Variants in FNTB observed in about 807,000 individuals in gnomAD.
The protein encoded by FNTB is protein farnesyltransferase subunit beta.
Under a neutral mutation model 59.4 loss-of-function variants are expected in FNTB, and 27 were observed. The ratio of observed to expected loss-of-function variants is 0.45; its 90% CI spans 0.34 to 0.63. The LOEUF is 0.63. FNTB is among the 20% of genes least tolerant of loss of function. The pLI is 0.02. For missense variants in FNTB, 449 were observed against 559.6 expected (o/e 0.80, Z 1.99); for synonymous variants, 230 against 220.7 (o/e 1.04, Z -0.37).
chr14:65,027,921 C>T lies in FNTB; in HGVS notation c.605+140C>T, dbSNP rs759569768. On this transcript the variant is annotated intron_variant, in intron 6 of 11. Coordinates refer to ENST00000246166, the MANE Select transcript of FNTB (RefSeq NM_002028.4). This position sits in a 1 kb window ranked among gnomAD's most constrained non-coding sequence, Gnocchi z 5.7. ...CACATGGGATGACATGTCAGTGACA[C>T]GTCAGAATCATTCAGATGTGATGCA... 1.1e-4 allele frequency: 112 copies of T among 1,061,472 alleles called. No homozygotes were observed. The highest frequency in any genetic ancestry group is 1.4e-4 in the Non-Finnish European group (105 of 725,694). 65.8% of individuals were successfully genotyped at this position (1,061,472 alleles called of 1,614,324 possible).
intron 2 of FNTB, among the ~76,000 whole-genome samples, chr14:65,010,203 TC>T (rs1287243097): frequency 6.6e-6 from 1 of 152,194 alleles, no homozygotes; most frequent in East Asian, 1.9e-4. Flanking sequence ...CCTTTGCTCT[TC>T]CCTAGCATAT....
At chr14:65,042,487 C>A (rs902011622) in intron 8 of FNTB, among the ~76,000 whole-genome samples, 2 of 152,176 alleles carry the variant, frequency 1.3e-5, no homozygotes, top group Admixed American at 1.3e-4. Flanking sequence ...AATGCTGCTG[C>A]TGATCTGTCA....
rs1183866852 is a variant in FNTB, at chr14:65,032,012, G to GTGTGTGTGTGTA, written c.606-591_606-590insGTGTATGTGTGT. On this transcript the variant is annotated intron_variant, in intron 6 of 11. Coordinates refer to ENST00000246166, the MANE Select transcript of FNTB (RefSeq NM_002028.4). This position sits in a 1 kb window ranked among gnomAD's most constrained non-coding sequence, Gnocchi z 5.0. ...TGTGTGTGTGTGTGTGTGTGTGTGT[G>GTGTGTGTGTGTA]TGTGTGTACTGGTGAGAGGTTTGAA... Among the ~76,000 whole-genome samples, 42 of 151,746 alleles carry GTGTGTGTGTGTA rather than the reference G, an allele frequency of 2.8e-4. No individual in the cohort carries two copies. Among genetic ancestry groups the GTGTGTGTGTGTA allele is most frequent in the Admixed American group, 2.2e-3 (33 of 15,234 alleles).
At position 65,044,216 on chromosome 14, in the gene FNTB, ACCCT is replaced by A. The variant is rs2062424811; in HGVS notation, c.823-92_823-89del. 1.9e-6 allele frequency: 3 copies of A among 1,586,036 alleles called. No individual in the cohort carries two copies. The highest frequency in any genetic ancestry group is 2.6e-6 in the Non-Finnish European group (3 of 1,169,226). On this transcript the variant is annotated intron_variant, in intron 8 of 11. Coordinates refer to ENST00000246166, the MANE Select transcript of FNTB (RefSeq NM_002028.4). This position sits in a 1 kb window ranked among gnomAD's most constrained non-coding sequence, Gnocchi z 5.5. ...GTGCCAAGAAGCCACAAGATGGGAA[ACCCT>A]CCATCCCACAGATTGACTCCTGGAG... is the stretch of plus-strand genomic sequence containing the variant.
intron 11 of FNTB, among the ~76,000 whole-genome samples, chr14:65,056,189 T>A (rs1168931416): frequency 6.6e-6 from 1 of 152,242 alleles, no homozygotes; most frequent in Non-Finnish European, 1.5e-5. Context: ...CATTGCTTTT[T>A]CCACTTGCCA....
At chr14:64,992,968 T>A (rs1888258268) in intron 1 of FNTB, among the ~76,000 whole-genome samples, 3 of 152,206 alleles carry the variant, frequency 2.0e-5, no homozygotes, top group Admixed American at 2.0e-4. Flanking sequence ...CTTGACTAGC[T>A]GGAACTACTG....
intron 11 of FNTB, among the ~76,000 whole-genome samples, chr14:65,059,586 G>GT (rs1267649956): frequency 6.6e-6 from 1 of 152,060 alleles, no homozygotes; most frequent in East Asian, 1.9e-4. Context: ...TCAGCATGAG[G>GT]TTGCTCCTAG....
At chr14:65,000,039 T>G (rs1022691748) in intron 1 of FNTB, among the ~76,000 whole-genome samples, 1 of 152,226 alleles carries the variant, frequency 6.6e-6, no homozygotes, top group East Asian at 1.9e-4. Context: ...AGATGGGACT[T>G]CTGATTAAGG....
rs79113821 is a variant in FNTB at position 64,987,617 on chromosome 14, C to G, written c.144+520C>G. The G allele has an allele frequency of 1.8e-3, 291 of 162,692 alleles. 7 individuals carry two copies. The East Asian group carries it at 0.044, about 24-fold the overall frequency. 10.1% of individuals were successfully genotyped at this position (162,692 alleles called of 1,614,324 possible). A position where few individuals can be genotyped will look rare whatever the true frequency, so the allele number is the denominator to read the frequency against. On this transcript the variant is annotated intron_variant, in intron 1 of 11. Coordinates refer to ENST00000246166, the MANE Select transcript of FNTB (RefSeq NM_002028.4). ...TTTGGTAGTCATTCAGCCATTTGAG[C>G]ACCAGCTACGTGTCGGACACAATAT...
At position 65,031,915 on chromosome 14, in the gene FNTB, T is replaced by G. The variant is rs957015096; in HGVS notation, c.606-695T>G. On this transcript the variant is annotated intron_variant, in intron 6 of 11. Transcript: ENST00000246166. This position sits in a 1 kb window ranked among gnomAD's most constrained non-coding sequence, Gnocchi z 4.6. ...TAGCCTGGGCGACAGAGTGAGACCCTGTCTCAATAAAAACCAAAACAAAAG... is the reference window on the plus strand; with the variant it reads ...TAGCCTGGGCGACAGAGTGAGACCCGGTCTCAATAAAAACCAAAACAAAAG... 5.9e-5 allele frequency among the ~76,000 whole-genome samples: 9 copies of G among 151,990 alleles called. No individual in the cohort carries two copies. Among genetic ancestry groups the G allele is most frequent in the African/African-American group, 2.2e-4 (9 of 41,376 alleles).
At chr14:65,033,007 C>G in intron 7 of FNTB, among the ~76,000 whole-genome samples, 1 of 152,118 alleles carries the variant, frequency 6.6e-6, no homozygotes, top group Non-Finnish European at 1.5e-5. Context: ...TTGCGTAGGA[C>G]CCAGTAATTC....
chr14:65,027,632 G>A lies in FNTB; in HGVS notation c.521+33G>A. 1 of 1,614,102 alleles carries A rather than the reference G, an allele frequency of 6.2e-7. No homozygotes were observed. The highest frequency in any genetic ancestry group is 8.5e-7 in the Non-Finnish European group (1 of 1,179,962). On this transcript the variant is annotated intron_variant, in intron 5 of 11. Transcript: ENST00000246166. This position sits in a 1 kb window ranked among gnomAD's most constrained non-coding sequence, Gnocchi z 5.7. ...GAAAGCCAGCAGTGACAGAAACCTA[G>A]AGGAGTTCCCCGCCTGCTGACACGC...
intron 11 of FNTB, among the ~76,000 whole-genome samples, chr14:65,057,889 C>CAAGAGAGAAAA (rs2062774356): frequency 6.6e-6 from 1 of 152,180 alleles, no homozygotes; most frequent in African/African-American, 2.4e-5. Context: ...TTTCTGGACT[C>CAAGAGAGAAAA]TCTTATTTTG....
At position 65,031,785 on chromosome 14, in the gene FNTB, G is replaced by A. The variant is rs918995343; in HGVS notation, c.606-825G>A. Among the ~76,000 whole-genome samples, 3 of 152,102 alleles carry A rather than the reference G, an allele frequency of 2.0e-5. No homozygotes were observed. Among genetic ancestry groups the A allele is most frequent in the Non-Finnish European group, 4.4e-5 (3 of 68,010 alleles). ...AAAATAGAAAAATAAGCCAGGCATG[G>A]TGGCATGCGCCTGTAATCCCAGCTA... On this transcript the variant is annotated intron_variant, in intron 6 of 11. Transcript: ENST00000246166. This position sits in a 1 kb window ranked among gnomAD's most constrained non-coding sequence, Gnocchi z 4.6.
Position 64,991,330 on chromosome 14 carries a change from G to C in FNTB, c.144+4233G>C, listed in dbSNP as rs143164829. 4.6e-5 allele frequency among the ~76,000 whole-genome samples: 7 copies of C among 152,208 alleles called. No homozygotes were observed. The highest frequency in any genetic ancestry group is 1.0e-4 in the Non-Finnish European group (7 of 68,022). On this transcript the variant is annotated intron_variant, in intron 1 of 11. Coordinates refer to ENST00000246166, the MANE Select transcript of FNTB (RefSeq NM_002028.4). The surrounding 1 kb of genome is among the most constrained non-coding windows in gnomAD (Gnocchi z 4.4). ...AAGAATATGCTGTAAGGCCGAGTGC[G>C]GTGGCTCACTCCTGTAATCCCAGCA... is the stretch of plus-strand genomic sequence containing the variant.
At chr14:65,019,690 A>G (rs1191478665) in intron 4 of FNTB, among the ~76,000 whole-genome samples, 1 of 152,178 alleles carries the variant, frequency 6.6e-6, no homozygotes, top group Non-Finnish European at 1.5e-5. Context: ...TCTTCTACGC[A>G]TTGATTTAGT....
chr14:65,016,832 C>G (rs1383525350), intron 4 of FNTB, among the ~76,000 whole-genome samples: 1 of 151,824 alleles, frequency 6.6e-6, no homozygotes, highest in Non-Finnish European at 1.5e-5. Context: ...GATGCCACTG[C>G]AAGCCTGGCT....
chr14:65,042,684 A>G (rs2062378801), intron 8 of FNTB, among the ~76,000 whole-genome samples: 1 of 152,194 alleles, frequency 6.6e-6, no homozygotes, highest in Admixed American at 6.5e-5. Flanking sequence ...CCATATCTGA[A>G]GTATGAATTC....
At chr14:65,060,044 G>A (rs992168143) in intron 11 of FNTB, among the ~76,000 whole-genome samples, 3 of 151,364 alleles carry the variant, frequency 2.0e-5, no homozygotes, top group African/African-American at 7.3e-5. Flanking sequence ...TCTTGGCCAG[G>A]CTGGTCTTGA....
Sources: allele counts gnomAD v4.1 joint callset (sites outside exome capture counted in the v4.1 genomes callset), GRCh38; gene constraint gnomAD v4.1.1; non-coding constraint Gnocchi (gnomAD v3.1); transcripts MANE v1.5; gene names NCBI Gene and HGNC (gene_info 2026-07-23, HGNC 2026-07-21).